Variants in GBE1 observed in about 807,000 individuals in gnomAD.
GBE1 encodes the protein 1,4-alpha-glucan-branching enzyme.
In GBE1, 70 loss-of-function variants were observed where a neutral mutation model predicts 88.8. That is an observed-to-expected ratio of 0.79 (90% confidence interval 0.65 to 0.96). The LOEUF (loss-of-function observed/expected upper bound fraction) is 0.96. Ranked by LOEUF, GBE1 falls within the 40% of genes least tolerant of loss-of-function variation. The pLI is 0.00. For missense variants in GBE1, 872 were observed against 871.0 expected (o/e 1.00, Z -0.01); for synonymous variants, 284 against 300.1 (o/e 0.95, Z 0.56).
At position 81,615,267 on chromosome 3, in the gene GBE1, T is replaced by C. The variant is rs141666651; in HGVS notation, c.993-21244A>G. Reference sequence around the variant, plus strand: ...ATTTATATGCAGTTATGAGAAATGATACAGAGGGGTACTGTGTTCACTTTA... The same window carrying C: ...ATTTATATGCAGTTATGAGAAATGACACAGAGGGGTACTGTGTTCACTTTA... On this transcript the variant is annotated intron_variant, in intron 7 of 15. Transcript: ENST00000429644. Among the ~76,000 whole-genome samples, 391 of 152,316 alleles carry C rather than the reference T, an allele frequency of 2.6e-3. 1 individual carries two copies. Among genetic ancestry groups the C allele is most frequent in the African/African-American group, 8.7e-3 (360 of 41,574 alleles).
intron 10 of GBE1, among the ~76,000 whole-genome samples, chr3:81,585,212 A>G (rs1354576481): frequency 1.3e-5 from 2 of 152,126 alleles, no homozygotes; most frequent in Non-Finnish European, 2.9e-5. Flanking sequence ...ACAGCTATGC[A>G]TTGCACAAAT....
chr3:81,497,968 C>T (rs149490223), intron 15 of GBE1, among the ~76,000 whole-genome samples: 2 of 152,212 alleles, frequency 1.3e-5, no homozygotes, highest in Non-Finnish European at 2.9e-5. Flanking sequence ...CCCTTGAGCC[C>T]TCTCTCTTAA....
In GBE1 at chr3:81,761,477, T is replaced by C. The variant is rs762419665; in HGVS notation, c.41A>G (p.Tyr14Cys). 2 of 1,612,906 alleles carry C rather than the reference T, an allele frequency of 1.2e-6. No homozygotes were observed. The highest frequency in any genetic ancestry group is 2.2e-5 in the East Asian group (1 of 44,858). ...PMTPAARPED[Y>C]EAALNAALAD... ...CAGGGCGGCATTGAGCGCCGCCTCG[T>C]AGTCCTCGGGCCGAGCCGCGGGAGT... The change falls in exon 1 of 16, where the codon TAC becomes TGC. Residue 14 changes from tyrosine to cysteine, a missense_variant. By Grantham distance (194) the Tyr-to-Cys change is radical. Transcript: ENST00000429644.
intron 12 of GBE1, among the ~76,000 whole-genome samples, chr3:81,567,254 C>A (rs1038816591): frequency 2.0e-5 from 3 of 152,144 alleles, no homozygotes; most frequent in African/African-American, 7.2e-5. Flanking sequence ...GTGTTGAAAT[C>A]TCAGGATATG....
chr3:81,514,223 G>GA (rs34181926), intron 14 of GBE1, among the ~76,000 whole-genome samples: 34,908 of 149,208 alleles, frequency 0.23, 4,192 homozygotes, highest in East Asian at 0.42. Flanking sequence ...GAACACATGA[G>GA]AAAAAAAAAC....
intron 3 of GBE1, among the ~76,000 whole-genome samples, chr3:81,670,357 T>C (rs1179382903): frequency 6.6e-6 from 1 of 152,102 alleles, no homozygotes; most frequent in African/African-American, 2.4e-5. Flanking sequence ...AACAAGACCA[T>C]ACCACCAGCA....
At chr3:81,512,124 A>G (rs973784805) in intron 14 of GBE1, among the ~76,000 whole-genome samples, 4 of 152,040 alleles carry the variant, frequency 2.6e-5, no homozygotes, top group Non-Finnish European at 5.9e-5. Context: ...GTTCTCACTT[A>G]TAAGTGGGAG....
chr3:81,682,351 A>T (rs972312401), intron 2 of GBE1, among the ~76,000 whole-genome samples: 2 of 152,206 alleles, frequency 1.3e-5, no homozygotes, highest in Non-Finnish European at 2.9e-5. Flanking sequence ...AGTCCTAGCT[A>T]CTCAGGAGGC....
At chr3:81,652,070 CCTT>C (rs1202493093) in intron 3 of GBE1, among the ~76,000 whole-genome samples, 1 of 152,182 alleles carries the variant, frequency 6.6e-6, no homozygotes, top group East Asian at 1.9e-4. Context: ...TTAGGGCTGT[CCTT>C]CTAGCAAGCA....
intron 7 of GBE1, among the ~76,000 whole-genome samples, chr3:81,634,590 T>A (rs9809754): frequency 0.15 from 23,283 of 152,058 alleles, 1,876 homozygotes; most frequent in Non-Finnish European, 0.19. Flanking sequence ...GTGAAAAGTT[T>A]ATGACAGAGA....
intron 1 of GBE1, among the ~76,000 whole-genome samples, chr3:81,731,692 A>G (rs1347901502): frequency 1.3e-5 from 2 of 151,990 alleles, no homozygotes; most frequent in Non-Finnish European, 2.9e-5. Context: ...TGGTTGTTTT[A>G]AAAGTGTGTA....
chr3:81,575,164 C>CAAA (rs760005850), intron 12 of GBE1, among the ~76,000 whole-genome samples: 1 of 85,950 alleles, frequency 1.2e-5, no homozygotes, highest in African/African-American at 4.5e-5. Context: ...GACTCCATCT[C>CAAA]AAAAAAAAAA....
At chr3:81,494,053 G>T (rs1576118946) in intron 15 of GBE1, among the ~76,000 whole-genome samples, 1 of 151,664 alleles carries the variant, frequency 6.6e-6, no homozygotes, top group Admixed American at 6.6e-5. Context: ...GTTCACAATT[G>T]TACAGTATCA....
At chr3:81,604,520 G>A (rs1051967285) in intron 7 of GBE1, among the ~76,000 whole-genome samples, 3 of 151,806 alleles carry the variant, frequency 2.0e-5, no homozygotes, top group African/African-American at 7.3e-5. Flanking sequence ...CTCCTGGACT[G>A]AAGCAATCTG....
chr3:81,602,507 C>A (rs1484272436), intron 7 of GBE1, among the ~76,000 whole-genome samples: 1 of 152,120 alleles, frequency 6.6e-6, no homozygotes, highest in East Asian at 1.9e-4. Flanking sequence ...TGATGAGGGT[C>A]CTCTTACGAG....
chr3:81,679,157 T>TA (rs540973752), intron 2 of GBE1, among the ~76,000 whole-genome samples: 40 of 152,200 alleles, frequency 2.6e-4, no homozygotes, highest in Non-Finnish European at 5.4e-4. Context: ...ATTTCTGTAA[T>TA]AAAAAAATAA....
intron 4 of GBE1, 85 bp from the exon 5 acceptor site, chr3:81,649,076 G>A (rs780593450): frequency 5.6e-6 from 5 of 897,756 alleles, no homozygotes; most frequent in Non-Finnish European, 8.2e-6. Flanking sequence ...AAAAAGTGGT[G>A]AATATACTCA....
intron 12 of GBE1, among the ~76,000 whole-genome samples, chr3:81,569,436 G>A (rs1212137737): frequency 6.6e-6 from 1 of 152,184 alleles, no homozygotes; most frequent in Non-Finnish European, 1.5e-5. Context: ...ACATGATATG[G>A]CATTCCACCA....
At chr3:81,634,279 A>G (rs1428280028) in intron 7 of GBE1, among the ~76,000 whole-genome samples, 1 of 152,220 alleles carries the variant, frequency 6.6e-6, no homozygotes, top group Non-Finnish European at 1.5e-5. Context: ...CCACCGCCCT[A>G]TGGCACATAA....
Sources: gnomAD v4.1 joint callset for allele counts (sites outside exome capture counted in the v4.1 genomes callset) on GRCh38, gnomAD v4.1.1 for gene constraint, MANE v1.5 for transcripts, NCBI Gene and HGNC (gene_info 2026-07-23, HGNC 2026-07-21) for gene names.